SNX25: variants seen among roughly 807,000 people sequenced by gnomAD.
SNX25 encodes sorting nexin 25.
In SNX25, 62 loss-of-function variants were observed where a neutral mutation model predicts 113.7. The ratio of observed to expected loss-of-function variants is 0.55; its 90% CI spans 0.44 to 0.67. The LOEUF is 0.67. Among genes scored for constraint, SNX25 ranks in the 30% least tolerant of loss-of-function variants. SNX25 has a pLI of 0.00. For synonymous variants in SNX25, 421 were observed against 436.2 expected (o/e 0.97, Z 0.43); for missense variants, 1,014 against 1,161.0 (o/e 0.87, Z 1.84).
At chr4:185,239,283 A>T (rs1445959605) in intron 1 of SNX25, among the ~76,000 whole-genome samples, 2 of 151,710 alleles carry the variant, frequency 1.3e-5, no homozygotes, top group Admixed American at 1.3e-4. Context: ...GGAGATCGAG[A>T]CCATCCTGGC....
intron 9 of SNX25, among the ~76,000 whole-genome samples, chr4:185,329,674 A>G (rs947417866): frequency 3.3e-5 from 5 of 150,788 alleles, no homozygotes; most frequent in African/African-American, 1.2e-4. Context: ...CATGAGGAAG[A>G]CAGACACAGA....
At chr4:185,271,352 C>T (rs538254067) in intron 5 of SNX25, among the ~76,000 whole-genome samples, 2 of 152,316 alleles carry the variant, frequency 1.3e-5, no homozygotes, top group African/African-American at 4.8e-5. Flanking sequence ...AATCTCAGCT[C>T]ACTGCAACCT....
chr4:185,230,782 A>C (rs1188324372), intron 1 of SNX25, among the ~76,000 whole-genome samples: 22 of 152,182 alleles, frequency 1.4e-4, no homozygotes, highest in Admixed American at 1.4e-3. Flanking sequence ...TAATTTAGGA[A>C]ATGTTGTTAA....
rs946030116 is a variant in SNX25, at chr4:185,232,639, A to G, written c.430-14655A>G. ...GTACAAAACAGTGATTGATTTCATG[A>G]CTAAAGATCTCTGTGAAAAAAGCAA... On this transcript the variant is annotated intron_variant, in intron 1 of 18. Coordinates refer to ENST00000652585, the MANE Select transcript of SNX25 (RefSeq NM_001378034.2). This position sits in a 1 kb window ranked among gnomAD's most constrained non-coding sequence, Gnocchi z 4.4. Among the ~76,000 whole-genome samples, 14 of 152,198 alleles carry G rather than the reference A, an allele frequency of 9.2e-5. No homozygotes were observed. Among genetic ancestry groups the G allele is most frequent in the African/African-American group, 1.2e-4 (5 of 41,442 alleles).
At chr4:185,307,526 A>T (rs1000616258) in intron 6 of SNX25, among the ~76,000 whole-genome samples, 3 of 151,754 alleles carry the variant, frequency 2.0e-5, no homozygotes, top group Non-Finnish European at 4.4e-5. Flanking sequence ...CAGGCCTCTG[A>T]TCACTCAGTC....
At chr4:185,369,177 G>A (rs999535088) in intron 11 of SNX25, among the ~76,000 whole-genome samples, 4 of 150,812 alleles carry the variant, frequency 2.7e-5, no homozygotes, top group Admixed American at 1.3e-4. Flanking sequence ...ATTAAGGATA[G>A]GATAGAACCT....
At chr4:185,251,780 C>T (rs1745701552) in intron 2 of SNX25, among the ~76,000 whole-genome samples, 1 of 151,630 alleles carries the variant, frequency 6.6e-6, no homozygotes, top group Admixed American at 6.6e-5. Flanking sequence ...TAGACGTGAC[C>T]TTTATTTTAG....
In SNX25 at chr4:185,330,252, G is replaced by C. The variant is rs151039901; in HGVS notation, c.1750-2343G>C. On this transcript the variant is annotated intron_variant, in intron 9 of 18. Coordinates refer to ENST00000652585, the MANE Select transcript of SNX25 (RefSeq NM_001378034.2). ...TTGGAATGTCTCTGGTCAGAGGGGA[G>C]GTTATCTTGGGGCTGACATCTCCCT... Among the ~76,000 whole-genome samples the C allele has an allele frequency of 1.4e-3, 218 of 152,204 alleles. 1 individual carries two copies. Among genetic ancestry groups the C allele is most frequent in the African/African-American group, 5.1e-3 (211 of 41,524 alleles).
Position 185,271,130 on chromosome 4 carries a change from C to T in SNX25, c.1091+3975C>T, listed in dbSNP as rs997159929. ...GACACAGGCACCAGGAAGGTGCATT[C>T]CTTTTGTGCACTATTCCTGTTCTGT... is the stretch of plus-strand genomic sequence containing the variant. On this transcript the variant is annotated intron_variant, in intron 5 of 18. Transcript: ENST00000652585. Among the ~76,000 whole-genome samples the T allele has an allele frequency of 2.6e-5, 4 of 152,282 alleles. No individual in the cohort carries two copies. The South Asian group carries it at 8.3e-4, about 32-fold the overall frequency.
chr4:185,313,419 G>A (rs776568624), intron 7 of SNX25, among the ~76,000 whole-genome samples: 2 of 152,104 alleles, frequency 1.3e-5, no homozygotes, highest in Non-Finnish European at 2.9e-5. Context: ...TACATGAAGC[G>A]AAACCTGACA....
chr4:185,290,566 A>G (rs566644521), intron 6 of SNX25, among the ~76,000 whole-genome samples: 161 of 152,334 alleles, frequency 1.1e-3, no homozygotes, highest in African/African-American at 3.7e-3. Flanking sequence ...TGCTTTTTGC[A>G]AAGTTAAACT....
At chr4:185,269,078 G>A (rs1748543877) in intron 5 of SNX25, among the ~76,000 whole-genome samples, 1 of 152,112 alleles carries the variant, frequency 6.6e-6, no homozygotes, top group South Asian at 2.1e-4. Context: ...TCGTAAGTGT[G>A]ATGCTTGAGC....
chr4:185,336,114 T>C (rs1358212850), intron 10 of SNX25, among the ~76,000 whole-genome samples: 2 of 152,240 alleles, frequency 1.3e-5, no homozygotes, highest in Non-Finnish European at 2.9e-5. Context: ...ATTATTTATT[T>C]TTGTAAATTC....
At chr4:185,213,106 T>C (rs983380894) in intron 1 of SNX25, among the ~76,000 whole-genome samples, 1 of 152,242 alleles carries the variant, frequency 6.6e-6, no homozygotes, top group African/African-American at 2.4e-5. Context: ...CATAGTGTAA[T>C]AGTTATCAAG....
chr4:185,373,114 A>T, downstream of SNX25: 1 of 1,550,048 alleles, frequency 6.5e-7, no homozygotes. Flanking sequence ...TGTATTTGTG[A>T]TCCACTAGAT....
chr4:185,270,713 G>A (rs1017685326), intron 5 of SNX25, among the ~76,000 whole-genome samples: 6 of 152,092 alleles, frequency 3.9e-5, no homozygotes, highest in Non-Finnish European at 7.3e-5. Flanking sequence ...CTTGGCAACC[G>A]CCAGTCTGCT....
At chr4:185,340,949 A>G (rs2095256931) in intron 11 of SNX25, among the ~76,000 whole-genome samples, 1 of 152,168 alleles carries the variant, frequency 6.6e-6, no homozygotes, top group Admixed American at 6.5e-5. Flanking sequence ...TAGCTGACTC[A>G]TCAGAGGTGT....
chr4:185,244,801 C>A (rs1413886491), intron 1 of SNX25, among the ~76,000 whole-genome samples: 1 of 152,074 alleles, frequency 6.6e-6, no homozygotes, highest in East Asian at 1.9e-4. Context: ...AAAAAAATTC[C>A]ACTAAGAAAT....
chr4:185,373,637 C>CT (rs1414908923), downstream of SNX25, among the ~76,000 whole-genome samples: 1 of 152,232 alleles, frequency 6.6e-6, no homozygotes, highest in African/African-American at 2.4e-5. Flanking sequence ...TTATGTGTCT[C>CT]TTGCAAATTT....
Sources: allele counts gnomAD v4.1 joint callset (sites outside exome capture counted in the v4.1 genomes callset), GRCh38; gene constraint gnomAD v4.1.1; non-coding constraint Gnocchi (gnomAD v3.1); transcripts MANE v1.5; gene names NCBI Gene and HGNC (gene_info 2026-07-23, HGNC 2026-07-21).